Variants in USP44 observed in about 807,000 individuals in gnomAD.
USP44 encodes the protein ubiquitin specific peptidase 44.
In USP44, 61 loss-of-function variants were observed where a neutral mutation model predicts 69.0. That is an observed-to-expected ratio of 0.88 (90% CI 0.72 to 1.09). The LOEUF (loss-of-function observed/expected upper bound fraction) is 1.09. USP44 is among the 50% of genes least tolerant of loss of function. The probability of loss-of-function intolerance (pLI) is 0.00; values close to 1 mark genes in which losing one functional copy is unlikely to be tolerated. For synonymous variants in USP44, 297 were observed against 295.4 expected (o/e 1.01, Z -0.06); for missense variants, 753 against 849.9 (o/e 0.89, Z 1.42).
chr12:95,519,233 T>C (rs867395407), intron 5 of USP44, among the ~76,000 whole-genome samples: 2 of 152,242 alleles, frequency 1.3e-5, no homozygotes, highest in South Asian at 2.1e-4. Flanking sequence ...ATATGCACTC[T>C]GTTAATGAAA....
intron 5 of USP44, among the ~76,000 whole-genome samples, chr12:95,519,480 C>T (rs1440987887): frequency 1.9e-4 from 26 of 139,286 alleles, no homozygotes; most frequent in South Asian, 1.2e-3. Flanking sequence ...CGCTCTGTCA[C>T]CCAGGCTGGA....
At position 95,532,951 on chromosome 12, in the gene USP44, G is replaced by T. The variant is rs767076107; in HGVS notation, c.1306C>A (p.Gln436Lys). The T allele has an allele frequency of 6.2e-7, 1 of 1,614,184 alleles. No individual in the cohort carries two copies. Among genetic ancestry groups the T allele is most frequent in the Admixed American group, 1.7e-5 (1 of 60,014 alleles). The change falls in exon 2 of 6, where the codon CAA (glutamine) becomes AAA (lysine). Residue 436 changes from glutamine (Q) to lysine (K), a missense_variant. Gln to Lys is a moderately conservative substitution (Grantham distance 53). Transcript: ENST00000258499. ...EFLCELLDKI[Q>K]RELETTGTSL... Reference sequence around the variant, plus strand: ...GTACCAGTTGTCTCTAATTCACGTTGTATTTTATCTAAAAGTTCACAAAGA... The same window carrying T: ...GTACCAGTTGTCTCTAATTCACGTTTTATTTTATCTAAAAGTTCACAAAGA...
chr12:95,528,913 A>G lies in USP44; in HGVS notation c.1518T>C (p.Ser506=), dbSNP rs371319057. The G allele has an allele frequency of 1.3e-4, 207 of 1,613,902 alleles. 1 individual carries two copies. The highest frequency in any genetic ancestry group is 3.3e-4 in the Middle Eastern group (2 of 6,076). The change falls in exon 3 of 6, where the codon AGT becomes AGC. Residue 506 remains serine (S), a synonymous_variant. Transcript: ENST00000258499. ...ATGGCTGGGAAGCAATATCTTTTCC[A>G]CTGCATTGATACCTTTCTGGAAACT... The part of the protein sequence containing the change: ...SLEFPERYQC[S]GKDIASQPCL...
chr12:95,535,990 C>G (rs1176245023), intron 1 of USP44, among the ~76,000 whole-genome samples: 2 of 151,164 alleles, frequency 1.3e-5, no homozygotes, highest in Non-Finnish European at 2.9e-5. Context: ...AGGTACTGAC[C>G]AGTCCCAAAT....
chr12:95,543,218 C>T (rs1340080971), intron 1 of USP44, among the ~76,000 whole-genome samples: 14 of 150,994 alleles, frequency 9.3e-5, no homozygotes, highest in Non-Finnish European at 1.8e-4. Flanking sequence ...CTGGCCAACA[C>T]GGTGAAATCC....
intron 4 of USP44, among the ~76,000 whole-genome samples, chr12:95,523,850 G>A (rs985962818): frequency 7.9e-5 from 12 of 151,924 alleles, no homozygotes; most frequent in Admixed American, 6.6e-5. Context: ...TGCTGGGCAC[G>A]GTGGCTCACA....
rs187572698 is a variant in USP44, at chr12:95,529,493, G to A, written c.1429-491C>T. Among the ~76,000 whole-genome samples the A allele has an allele frequency of 5.0e-3, 756 of 151,334 alleles. 3 individuals carry two copies. The highest frequency in any genetic ancestry group is 0.017 in the Middle Eastern group (5 of 292). ...TGCTAGGGTGCAATGGCGCAATCTC[G>A]GCTCACTGCAACCTCTGGCTCTTAG... is the stretch of plus-strand genomic sequence containing the variant. On this transcript the variant is annotated intron_variant, in intron 2 of 5. Coordinates refer to ENST00000258499, the MANE Select transcript of USP44 (RefSeq NM_032147.5).
intron 2 of USP44, among the ~76,000 whole-genome samples, chr12:95,530,644 A>C (rs2076986496): frequency 8.1e-6 from 1 of 123,900 alleles, no homozygotes; most frequent in Non-Finnish European, 1.7e-5. Context: ...TACTACTGGA[A>C]ATATAGATAG....
chr12:95,530,694 T>TAG (rs1565816685), intron 2 of USP44, among the ~76,000 whole-genome samples: 130 of 128,622 alleles, frequency 1.0e-3, no homozygotes, highest in Middle Eastern at 4.4e-3. Flanking sequence ...TAGATAGATA[T>TAG]AAAAGAAAAA....
intron 1 of USP44, among the ~76,000 whole-genome samples, chr12:95,537,608 C>T (rs757126733): frequency 3.9e-5 from 6 of 152,106 alleles, no homozygotes; most frequent in Non-Finnish European, 8.8e-5. Flanking sequence ...TGAGCCACCA[C>T]GCCAGGCCGA....
chr12:95,520,226 C>T lies in USP44; in HGVS notation c.1939+771G>A, dbSNP rs151181063. Among the ~76,000 whole-genome samples, 117 of 151,924 alleles carry T rather than the reference C, an allele frequency of 7.7e-4. 1 individual carries two copies. In the East Asian group the frequency reaches 0.022, roughly 28 times the overall value. On this transcript the variant is annotated intron_variant, in intron 5 of 5. Coordinates refer to ENST00000258499, the MANE Select transcript of USP44 (RefSeq NM_032147.5). The stretch of plus-strand genomic sequence containing the variant: ...GGGGAAGTAAGGCTGGGTGTGGTGG[C>T]TCATGCCTGTAATCCCACCACTTTG...
At chr12:95,530,873 C>A (rs1466772870) in intron 2 of USP44, among the ~76,000 whole-genome samples, 1 of 151,832 alleles carries the variant, frequency 6.6e-6, no homozygotes, top group East Asian at 1.9e-4. Context: ...ACGGTATAAA[C>A]ATACGATGTG....
In USP44 at chr12:95,533,833, T is replaced by C; in HGVS notation, c.424A>G (p.Ser142Gly). ...LHDGAQSLLQ[S>G]EDQLYTALWH... The stretch of plus-strand genomic sequence containing the variant: ...AGAGCAGTATACAGTTGATCTTCAC[T>C]TTGAAGCAGAGATTGGGCACCGTCA... The change falls in exon 2 of 6, where the codon AGT becomes GGT. Residue 142 changes from serine to glycine, a missense_variant. Ser to Gly is a moderately conservative substitution (Grantham distance 56). Transcript: ENST00000258499. 1 of 1,614,172 alleles carries C rather than the reference T, an allele frequency of 6.2e-7. No homozygotes were observed. The highest frequency in any genetic ancestry group is 8.5e-7 in the Non-Finnish European group (1 of 1,180,032).
intron 1 of USP44, among the ~76,000 whole-genome samples, chr12:95,541,687 C>T (rs1437794238): frequency 1.3e-5 from 2 of 152,192 alleles, no homozygotes; most frequent in South Asian, 2.1e-4. Context: ...AAAACGTATA[C>T]ATTTGTCAGT....
In USP44 at chr12:95,533,133, G is replaced by A. The variant is rs2077077737; in HGVS notation, c.1124C>T (p.Thr375Ile). 1.9e-6 allele frequency: 3 copies of A among 1,614,246 alleles called. No individual in the cohort carries two copies. Among genetic ancestry groups the A allele is most frequent in the Non-Finnish European group, 2.5e-6 (3 of 1,180,052 alleles). ...KMELIQPKEPTSQYISLCHEL... is the reference protein window; with the variant it reads ...KMELIQPKEPISQYISLCHEL... ...ATGACAAAGAGAAATGTACTGTGAA[G>A]TTGGCTCCTTTGGCTGAATAAGTTC... The change falls in exon 2 of 6, where the codon ACT (threonine) becomes ATT (isoleucine). Residue 375 changes from threonine (T) to isoleucine (I), a missense_variant. Physicochemically the swap from Thr to Ile is moderately conservative, Grantham distance 89 (BLOSUM62 -1). Coordinates refer to ENST00000258499, the MANE Select transcript of USP44 (RefSeq NM_032147.5).
chr12:95,539,985 C>T (rs1010966585), intron 1 of USP44, among the ~76,000 whole-genome samples: 2 of 152,198 alleles, frequency 1.3e-5, no homozygotes, highest in African/African-American at 4.8e-5. Flanking sequence ...AAATTAATTT[C>T]TATTAACTCA....
chr12:95,541,061 C>T (rs1262777357), intron 1 of USP44, among the ~76,000 whole-genome samples: 1 of 152,100 alleles, frequency 6.6e-6, no homozygotes, highest in Non-Finnish European at 1.5e-5. Context: ...GGGCGGATCA[C>T]GAGGTCAGGA....
At chr12:95,541,054 C>T (rs754653572) in intron 1 of USP44, among the ~76,000 whole-genome samples, 27 of 152,076 alleles carry the variant, frequency 1.8e-4, no homozygotes, top group Admixed American at 4.6e-4. Context: ...CCAAGGCGGG[C>T]GGATCACGAG....
At chr12:95,519,722 G>A (rs1345091739) in intron 5 of USP44, among the ~76,000 whole-genome samples, 25 of 148,078 alleles carry the variant, frequency 1.7e-4, no homozygotes, top group Non-Finnish European at 3.0e-4. Context: ...GTGAGCCACC[G>A]CGCCCGGCCC....
Sources: allele counts gnomAD v4.1 joint callset (sites outside exome capture counted in the v4.1 genomes callset), GRCh38; gene constraint gnomAD v4.1.1; transcripts MANE v1.5; gene names NCBI Gene and HGNC (gene_info 2026-07-23, HGNC 2026-07-21).